Variants in OTOGL observed in about 807,000 individuals in gnomAD.
The protein encoded by OTOGL is otogelin-like protein.
A neutral mutation model predicts 318.5 loss-of-function variants in OTOGL; 285 were observed. The ratio of observed to expected loss-of-function variants is 0.89; its 90% confidence interval spans 0.81 to 0.99. The LOEUF is 0.99. Among genes scored for constraint, OTOGL ranks in the 50% least tolerant of loss-of-function variants. The pLI, the probability that OTOGL is intolerant of heterozygous loss-of-function variation, is 0.00. For missense variants in OTOGL, 2,899 were observed against 2,845.6 expected (o/e 1.02, Z -0.43); for synonymous variants, 987 against 936.5 (o/e 1.05, Z -0.99).
intron 35 of OTOGL, among the ~76,000 whole-genome samples, chr12:80,324,605 G>T (rs1380126294): frequency 2.0e-5 from 3 of 152,186 alleles, no homozygotes; most frequent in African/African-American, 7.2e-5. Context: ...TTTGCCTGTT[G>T]TATTGAGAAT....
chr12:80,364,610 C>T (rs528418909), intron 52 of OTOGL, among the ~76,000 whole-genome samples: 1 of 152,182 alleles, frequency 6.6e-6, no homozygotes, highest in African/African-American at 2.4e-5. Flanking sequence ...CTCTACTCTA[C>T]TTTCTGTCTC....
intron 1 of OTOGL, among the ~76,000 whole-genome samples, chr12:80,190,513 C>T (rs1486105486): frequency 6.6e-6 from 1 of 152,108 alleles, no homozygotes; most frequent in African/African-American, 2.4e-5. Flanking sequence ...CCAGGCCGGG[C>T]GCGGTGGCTC....
chr12:80,230,621 G>A (rs1267696618), intron 8 of OTOGL, among the ~76,000 whole-genome samples: 1 of 152,094 alleles, frequency 6.6e-6, no homozygotes, highest in Admixed American at 6.5e-5. Context: ...TTTCTATGAG[G>A]ATTTCAGATT....
chr12:80,116,010 G>GA (rs1555268993), intron 1 of OTOGL, among the ~76,000 whole-genome samples: 7 of 151,902 alleles, frequency 4.6e-5, no homozygotes, highest in African/African-American at 1.7e-4. Context: ...GATTTGACGA[G>GA]AAGACCACTT....
intron 30 of OTOGL, among the ~76,000 whole-genome samples, chr12:80,313,275 C>T (rs181010848): frequency 6.6e-6 from 1 of 152,094 alleles, no homozygotes; most frequent in East Asian, 1.9e-4. Context: ...ATTTCTTTTG[C>T]TAGTTCTTTG....
chr12:80,104,014 C>A (rs966900591), intron 1 of OTOGL, among the ~76,000 whole-genome samples: 8 of 152,188 alleles, frequency 5.3e-5, no homozygotes, highest in Admixed American at 1.3e-4. Context: ...TTAATCCCAA[C>A]ACCTACAGAA....
intron 11 of OTOGL, among the ~76,000 whole-genome samples, chr12:80,240,909 T>G (rs1880319744): frequency 6.6e-6 from 1 of 152,116 alleles, no homozygotes; most frequent in Admixed American, 6.5e-5. Flanking sequence ...TTATTTTTCT[T>G]TCAAAACATC....
chr12:80,275,660 G>C (rs965784578), intron 24 of OTOGL, among the ~76,000 whole-genome samples: 4 of 151,794 alleles, frequency 2.6e-5, no homozygotes, highest in African/African-American at 9.7e-5. Context: ...GAAATCTTTT[G>C]TGAAAGGGGG....
In OTOGL at chr12:80,377,145, C is replaced by T. The variant is rs760293403; in HGVS notation, c.6804C>T (p.Cys2268=). The T allele has an allele frequency of 2.5e-5, 40 of 1,607,708 alleles. No individual in the cohort carries two copies. Among genetic ancestry groups the T allele is most frequent in the Non-Finnish European group, 3.2e-5 (38 of 1,176,408 alleles). Residue 2268 remains cysteine, a synonymous_variant, in exon 58 of 59, where the codon TGC becomes TGT. Coordinates refer to ENST00000547103, the MANE Select transcript of OTOGL (RefSeq NM_001378609.3). ...CAGGCAAACGAGAAGAAAGAATATG[C>T]CAGAAAGTGATCATTAAATCGGTCA... ...CKICKREERI[C]QKVIIKSVIR...
At chr12:80,102,103 G>A (rs1869174785) in intron 1 of OTOGL, among the ~76,000 whole-genome samples, 1 of 152,246 alleles carries the variant, frequency 6.6e-6, no homozygotes, top group East Asian at 1.9e-4. Flanking sequence ...CTCAATACAA[G>A]TAGGATGCAG....
At chr12:80,126,027 G>A (rs1475120444) in intron 1 of OTOGL, among the ~76,000 whole-genome samples, 3 of 152,086 alleles carry the variant, frequency 2.0e-5, no homozygotes, top group South Asian at 4.2e-4. Flanking sequence ...GGTTTTTTGT[G>A]TCCCTATTTC....
rs183166398 is a variant in OTOGL at position 80,143,477 on chromosome 12, G to A, written c.-20+43872G>A. Among the ~76,000 whole-genome samples, 121 of 152,198 alleles carry A rather than the reference G, an allele frequency of 8.0e-4. 1 individual carries two copies. The highest frequency in any genetic ancestry group is 1.6e-4 in the Non-Finnish European group (11 of 67,998). On this transcript the variant is annotated intron_variant, in intron 1 of 58. Coordinates refer to ENST00000547103, the MANE Select transcript of OTOGL (RefSeq NM_001378609.3). ...CACCTTCTTTCCCATTAATTGGAAA[G>A]TGTTCTTCCTCTCTTTCCCTTACCA...
At chr12:80,164,735 T>G (rs1031449398) in intron 1 of OTOGL, among the ~76,000 whole-genome samples, 2 of 152,158 alleles carry the variant, frequency 1.3e-5, no homozygotes, top group African/African-American at 4.8e-5. Context: ...CACCACTTCA[T>G]GAGCCCATGG....
intron 18 of OTOGL, among the ~76,000 whole-genome samples, chr12:80,259,192 C>CTA (rs1262830360): frequency 6.7e-6 from 1 of 150,276 alleles, no homozygotes; most frequent in Non-Finnish European, 1.5e-5. Flanking sequence ...TAAAAATCAA[C>CTA]TATATATATA....
At position 80,217,538 on chromosome 12, in the gene OTOGL, C is replaced by T. The variant is rs550480963; in HGVS notation, c.169-60C>T. On this transcript the variant is annotated intron_variant, in intron 4 of 58. Transcript: ENST00000547103. The stretch of plus-strand genomic sequence containing the variant: ...GTTATTTTCTAGATTTGCCAATTTG[C>T]ATGTTTGGCTTGAATTAAATAATTT... The T allele has an allele frequency of 1.6e-5, 19 of 1,159,756 alleles. No individual in the cohort carries two copies. The African/African-American group carries it at 2.6e-4, about 16-fold the overall frequency. 71.8% of individuals were successfully genotyped at this position (1,159,756 alleles called of 1,614,324 possible). A position where few individuals can be genotyped will look rare whatever the true frequency, so the allele number is the denominator to read the frequency against.
At chr12:80,110,136 C>CG (rs1035757733) in intron 1 of OTOGL, among the ~76,000 whole-genome samples, 1 of 146,368 alleles carries the variant, frequency 6.8e-6, no homozygotes, top group Non-Finnish European at 1.5e-5. Flanking sequence ...GGCACCATCT[C>CG]GGCTCACTAC....
At chr12:80,200,554 A>G (rs1876386040) in intron 1 of OTOGL, among the ~76,000 whole-genome samples, 1 of 152,138 alleles carries the variant, frequency 6.6e-6, no homozygotes, top group African/African-American at 2.4e-5. Context: ...AACTTGGGAG[A>G]TGTCATTTTA....
At chr12:80,134,913 C>T (rs1353464459) in intron 1 of OTOGL, among the ~76,000 whole-genome samples, 3 of 152,268 alleles carry the variant, frequency 2.0e-5, no homozygotes, top group East Asian at 3.9e-4. Context: ...AAACCTTATT[C>T]ATGTGTCTCT....
chr12:80,326,187 A>T (rs1887668377), intron 35 of OTOGL, among the ~76,000 whole-genome samples: 2 of 152,110 alleles, frequency 1.3e-5, no homozygotes, highest in Non-Finnish European at 2.9e-5. Context: ...TCCGCGACAT[A>T]ACCAGCACTC....
Sources: allele counts gnomAD v4.1 joint callset (sites outside exome capture counted in the v4.1 genomes callset), GRCh38; gene constraint gnomAD v4.1.1; transcripts MANE v1.5; gene names NCBI Gene and HGNC (gene_info 2026-07-23, HGNC 2026-07-21).